ATP10B: variants seen among roughly 807,000 people sequenced by gnomAD.
ATP10B encodes ATPase phospholipid transporting 10B (putative).
ATP10B carries 122 observed loss-of-function variants against 141.2 expected under a neutral mutation model. The ratio of observed to expected loss-of-function variants is 0.86; its 90% CI spans 0.75 to 1.00. The LOEUF is 1.00. ATP10B is among the 50% of genes least tolerant of loss of function. The probability of loss-of-function intolerance (pLI) is 0.00; values close to 1 mark genes in which losing one functional copy is unlikely to be tolerated. For synonymous variants in ATP10B, 685 were observed against 692.0 expected (o/e 0.99, Z 0.16); for missense variants, 1,876 against 1,825.3 (o/e 1.03, Z -0.51).
At chr5:160,628,385 T>G (rs1211426981) in intron 13 of ATP10B, among the ~76,000 whole-genome samples, 1 of 152,206 alleles carries the variant, frequency 6.6e-6, no homozygotes, top group Non-Finnish European at 1.5e-5. Flanking sequence ...CCAGAAAGAT[T>G]CTGTGTACTT....
At chr5:160,876,031 C>G in the ATP10B span, among the ~76,000 whole-genome samples, 9,889 of 46,922 alleles carry the variant, frequency 0.21, 3,347 homozygotes, top group South Asian at 0.35. Context: ...TGCACCAAGC[C>G]GACCTAATAG....
At chr5:160,648,315 T>A (rs935124172) in intron 8 of ATP10B, among the ~76,000 whole-genome samples, 1 of 152,182 alleles carries the variant, frequency 6.6e-6, no homozygotes, top group African/African-American at 2.4e-5. Flanking sequence ...TAAAACATTA[T>A]GAGATTATTA....
intron 1 of ATP10B, among the ~76,000 whole-genome samples, chr5:160,820,383 C>T (rs1213012377): frequency 1.3e-5 from 2 of 151,770 alleles, no homozygotes; most frequent in Non-Finnish European, 2.9e-5. Flanking sequence ...AAGATTGAAG[C>T]ATTAATGCAA....
the ATP10B span, among the ~76,000 whole-genome samples, chr5:160,865,940 A>G: frequency 6.6e-6 from 1 of 152,128 alleles, no homozygotes; most frequent in Non-Finnish European, 1.5e-5. Flanking sequence ...TGTGGTGAAA[A>G]GGGAACACTT....
chr5:160,566,793 A>G (rs910298621), intron 25 of ATP10B, among the ~76,000 whole-genome samples: 2 of 152,188 alleles, frequency 1.3e-5, no homozygotes, highest in African/African-American at 4.8e-5. Flanking sequence ...CCTTATCTGA[A>G]AAGTAAAAAA....
At chr5:160,659,958 C>T (rs916354150) in intron 7 of ATP10B, among the ~76,000 whole-genome samples, 17 of 152,252 alleles carry the variant, frequency 1.1e-4, no homozygotes, top group African/African-American at 4.1e-4. Context: ...AATTTGATCT[C>T]TCTGAAGTTA....
At chr5:160,573,550 C>G (rs984945792) in intron 24 of ATP10B, among the ~76,000 whole-genome samples, 1 of 152,182 alleles carries the variant, frequency 6.6e-6, no homozygotes, top group Admixed American at 6.5e-5. Flanking sequence ...GTGAGCATTA[C>G]TGCCTGAGCT....
intron 2 of ATP10B, among the ~76,000 whole-genome samples, chr5:160,721,201 G>A (rs191535138): frequency 8.9e-4 from 136 of 152,312 alleles, no homozygotes; most frequent in South Asian, 1.9e-3. Flanking sequence ...TGCTCTGTCC[G>A]TATGGACTGT....
chr5:160,838,854 G>A (rs1775636971), intron 1 of ATP10B, among the ~76,000 whole-genome samples: 1 of 152,134 alleles, frequency 6.6e-6, no homozygotes, highest in East Asian at 1.9e-4. Flanking sequence ...TTGGATCATG[G>A]GGGTGGATCC....
In ATP10B at chr5:160,785,733, T is replaced by TA; in HGVS notation, c.-506dup. 8.0e-7 allele frequency: 1 copy of TA among 1,257,846 alleles called. No individual in the cohort carries two copies. Among genetic ancestry groups the TA allele is most frequent in the Non-Finnish European group, 1.0e-6 (1 of 968,692 alleles). The allele number at this position is 1,257,846 out of a possible 1,614,324, so 77.9% of individuals were successfully genotyped here. A position where few individuals can be genotyped will look rare whatever the true frequency, so the allele number is the denominator to read the frequency against. ...GAGATGAATAATAGGAAAAACTACTTACTCTTCACACTGTTGCTTTCATTG... is the reference window on the plus strand; with the variant it reads ...GAGATGAATAATAGGAAAAACTACTTAACTCTTCACACTGTTGCTTTCATTG... On this transcript the variant is annotated 5_prime_UTR_variant, in exon 2 of 26. Transcript: ENST00000327245.
At chr5:160,862,878 AT>A in the ATP10B span, among the ~76,000 whole-genome samples, 1 of 151,998 alleles carries the variant, frequency 6.6e-6, no homozygotes, top group African/African-American at 2.4e-5. Context: ...TAGAAAATAT[AT>A]CTTACCTATA....
chr5:160,602,872 T>C, intron 20 of ATP10B, 170 bp from the exon 21 acceptor site: 1 of 737,494 alleles, frequency 1.4e-6, no homozygotes, highest in Non-Finnish European at 2.1e-6. Context: ...CCACCCTCCC[T>C]TCTGGGAAAT....
chr5:160,671,187 A>C (rs1306589231), intron 6 of ATP10B, among the ~76,000 whole-genome samples: 2 of 151,004 alleles, frequency 1.3e-5, no homozygotes, highest in Non-Finnish European at 3.0e-5. Flanking sequence ...AAAAAAAAAA[A>C]AAAAACCCAA....
intron 13 of ATP10B, among the ~76,000 whole-genome samples, chr5:160,625,993 C>A (rs900959105): frequency 6.6e-6 from 1 of 152,228 alleles, no homozygotes; most frequent in African/African-American, 2.4e-5. Flanking sequence ...TGTCAGCTAA[C>A]CTTTACCCAG....
intron 2 of ATP10B, among the ~76,000 whole-genome samples, chr5:160,719,012 T>C (rs1481916582): frequency 6.6e-6 from 1 of 152,204 alleles, no homozygotes; most frequent in Non-Finnish European, 1.5e-5. Context: ...AGGATTGAAG[T>C]TCGTCAGAGT....
At chr5:160,921,603 T>C in the ATP10B span, among the ~76,000 whole-genome samples, 2 of 152,250 alleles carry the variant, frequency 1.3e-5, no homozygotes, top group African/African-American at 2.4e-5. Flanking sequence ...TTTAATTTTA[T>C]AGTCACTCTC....
intron 2 of ATP10B, among the ~76,000 whole-genome samples, chr5:160,741,100 T>C (rs1767440388): frequency 6.6e-6 from 1 of 152,202 alleles, no homozygotes; most frequent in Non-Finnish European, 1.5e-5. Context: ...GACTGAGTCC[T>C]CTCCCAGGCT....
intron 1 of ATP10B, among the ~76,000 whole-genome samples, chr5:160,802,315 C>A (rs532479662): frequency 6.6e-6 from 1 of 152,162 alleles, no homozygotes; most frequent in East Asian, 1.9e-4. Context: ...GCTGACATTA[C>A]CTGAGGAAAA....
chr5:160,906,256 G>A, the ATP10B span, among the ~76,000 whole-genome samples: 1 of 151,922 alleles, frequency 6.6e-6, no homozygotes, highest in Admixed American at 6.6e-5. Flanking sequence ...ATTGTGTTTG[G>A]ACCTTTGAGA....
Sources: allele counts gnomAD v4.1 joint callset (sites outside exome capture counted in the v4.1 genomes callset), GRCh38; gene constraint gnomAD v4.1.1; transcripts MANE v1.5; gene names NCBI Gene and HGNC (gene_info 2026-07-23, HGNC 2026-07-21).